The following ADGRB3 variants were observed in gnomAD, a reference collection of about 807,000 sequenced individuals.
ADGRB3 encodes the protein adhesion G protein-coupled receptor B3.
Under a neutral mutation model 193.4 loss-of-function variants are expected in ADGRB3, and 37 were observed. The observed-to-expected ratio is 0.19, with a 90% CI of 0.15 to 0.25. ADGRB3 has a LOEUF of 0.25. ADGRB3 is among the 10% of genes least tolerant of loss of function. The pLI is 1.00. For missense variants in ADGRB3, 1,637 were observed against 1,852.9 expected (o/e 0.88, Z 2.14); for synonymous variants, 690 against 644.2 (o/e 1.07, Z -1.08).
intron 29 of ADGRB3, among the ~76,000 whole-genome samples, chr6:69,371,984 G>A (rs1265585261): frequency 6.6e-6 from 1 of 152,046 alleles, no homozygotes; most frequent in African/African-American, 2.4e-5. Context: ...GAAGTTGGTT[G>A]AAGATGTCGA....
intron 3 of ADGRB3, among the ~76,000 whole-genome samples, chr6:68,838,780 A>G (rs139895931): frequency 1.8e-4 from 28 of 152,330 alleles, no homozygotes; most frequent in Middle Eastern, 3.4e-3. Flanking sequence ...AGCTAAATTC[A>G]AGTGTTGTTT....
chr6:69,115,219 G>A (rs1773495849), intron 17 of ADGRB3, among the ~76,000 whole-genome samples: 1 of 152,156 alleles, frequency 6.6e-6, no homozygotes, highest in Admixed American at 6.6e-5. Flanking sequence ...TGACAGACTG[G>A]ACAAAGAAAA....
chr6:68,762,467 G>A (rs1766411106), intron 3 of ADGRB3, among the ~76,000 whole-genome samples: 1 of 151,884 alleles, frequency 6.6e-6, no homozygotes, highest in Non-Finnish European at 1.5e-5. Context: ...AGACAAAATA[G>A]ACATAAGTCC....
At chr6:69,021,113 A>T (rs979884582) in intron 13 of ADGRB3, among the ~76,000 whole-genome samples, 38 of 151,914 alleles carry the variant, frequency 2.5e-4, no homozygotes, top group Non-Finnish European at 5.0e-4. Flanking sequence ...GAGCAGACAT[A>T]TATGCACAAA....
At chr6:68,894,008 A>C (rs1766152491) in intron 3 of ADGRB3, among the ~76,000 whole-genome samples, 1 of 151,958 alleles carries the variant, frequency 6.6e-6, no homozygotes, top group African/African-American at 2.4e-5. Context: ...TAGATGATAT[A>C]TTTTAATAAT....
intron 8 of ADGRB3, among the ~76,000 whole-genome samples, chr6:68,961,044 C>T (rs1399763371): frequency 7.2e-5 from 11 of 152,028 alleles, no homozygotes; most frequent in Non-Finnish European, 4.4e-5. Flanking sequence ...TTTTTTCATC[C>T]TTTTTCATAA....
chr6:68,969,263 G>C (rs1474506180), intron 8 of ADGRB3, among the ~76,000 whole-genome samples: 1 of 152,122 alleles, frequency 6.6e-6, no homozygotes. Context: ...AGAGTTATTG[G>C]AGAATACATC....
At chr6:69,127,674 G>A (rs1359715295) in intron 17 of ADGRB3, among the ~76,000 whole-genome samples, 2 of 152,028 alleles carry the variant, frequency 1.3e-5, no homozygotes, top group Non-Finnish European at 2.9e-5. Flanking sequence ...TTCCCTCCTT[G>A]CCTTTTTTGC....
At chr6:69,093,414 AAG>A (rs1407650574) in intron 17 of ADGRB3, among the ~76,000 whole-genome samples, 2 of 150,346 alleles carry the variant, frequency 1.3e-5, no homozygotes, top group African/African-American at 2.5e-5. Context: ...GGTTCAGGGG[AAG>A]AGAGGAATGT....
At chr6:68,803,700 C>CA (rs1562036178) in intron 3 of ADGRB3, among the ~76,000 whole-genome samples, 3 of 152,106 alleles carry the variant, frequency 2.0e-5, no homozygotes, top group Non-Finnish European at 4.4e-5. Flanking sequence ...TTCCTCAAAC[C>CA]AATGCCATGT....
In ADGRB3 at chr6:69,256,349, T is replaced by C. The variant is rs1160160337; in HGVS notation, c.2814+17123T>C. Among the ~76,000 whole-genome samples, 5 of 152,328 alleles carry C rather than the reference T, an allele frequency of 3.3e-5. No homozygotes were observed. In the East Asian group the frequency reaches 7.7e-4, roughly 23 times the overall value. On this transcript the variant is annotated intron_variant, in intron 20 of 31. Coordinates refer to ENST00000370598, the MANE Select transcript of ADGRB3 (RefSeq NM_001704.3). The stretch of plus-strand genomic sequence containing the variant: ...CCTACCCATGAGCATGGAATGTTCT[T>C]CCATTTGTTTGTATCCTCTTTGATT...
intron 3 of ADGRB3, among the ~76,000 whole-genome samples, chr6:68,864,546 G>A (rs1232532851): frequency 2.0e-5 from 3 of 152,128 alleles, no homozygotes; most frequent in Non-Finnish European, 4.4e-5. Flanking sequence ...CCACACCCTA[G>A]GGATGATGGA....
At chr6:68,869,105 G>T (rs1230638911) in intron 3 of ADGRB3, among the ~76,000 whole-genome samples, 1 of 152,120 alleles carries the variant, frequency 6.6e-6, no homozygotes, top group Non-Finnish European at 1.5e-5. Context: ...CAGTCAACTG[G>T]AAGCTAAAGT....
At chr6:68,806,868 A>G (rs974733079) in intron 3 of ADGRB3, among the ~76,000 whole-genome samples, 4 of 152,104 alleles carry the variant, frequency 2.6e-5, no homozygotes, top group African/African-American at 9.7e-5. Context: ...AGTTTTAGCA[A>G]TGCTACCATA....
chr6:68,981,242 A>C (rs1024658366), intron 10 of ADGRB3, among the ~76,000 whole-genome samples: 1 of 151,650 alleles, frequency 6.6e-6, no homozygotes, highest in African/African-American at 2.4e-5. Context: ...TCTTTATTTT[A>C]TTCAGAACCT....
At chr6:69,360,169 G>A (rs1769421998) in intron 28 of ADGRB3, among the ~76,000 whole-genome samples, 1 of 151,868 alleles carries the variant, frequency 6.6e-6, no homozygotes, top group Non-Finnish European at 1.5e-5. Flanking sequence ...GGTTCATAAA[G>A]TGTTTTTTTC....
intron 17 of ADGRB3, among the ~76,000 whole-genome samples, chr6:69,110,050 C>T (rs1044924936): frequency 6.6e-6 from 1 of 150,644 alleles, no homozygotes; most frequent in Non-Finnish European, 1.5e-5. Flanking sequence ...CGGGTTCAAG[C>T]GATTCTCCTG....
At chr6:68,958,029 C>T (rs1221781318) in intron 8 of ADGRB3, among the ~76,000 whole-genome samples, 1 of 151,856 alleles carries the variant, frequency 6.6e-6, no homozygotes, top group African/African-American at 2.4e-5. Flanking sequence ...GGCGAAACCC[C>T]GTCTCTACTA....
intron 3 of ADGRB3, among the ~76,000 whole-genome samples, chr6:68,884,230 A>T (rs894881626): frequency 6.6e-6 from 1 of 152,176 alleles, no homozygotes; most frequent in African/African-American, 2.4e-5. Context: ...CACTTCGTTC[A>T]TGTAAGGCAC....
Sources: allele counts gnomAD v4.1 joint callset (sites outside exome capture counted in the v4.1 genomes callset), GRCh38; gene constraint gnomAD v4.1.1; transcripts MANE v1.5; gene names NCBI Gene and HGNC (gene_info 2026-07-23, HGNC 2026-07-21).